Variants in DDX18 observed in about 807,000 individuals in gnomAD.
DDX18 encodes DEAD-box helicase 18.
Under a neutral mutation model 73.5 loss-of-function variants are expected in DDX18, and 23 were observed. The ratio of observed to expected loss-of-function variants is 0.31; its 90% CI spans 0.23 to 0.44. The LOEUF (loss-of-function observed/expected upper bound fraction) is 0.44, where lower values mean the gene tolerates loss of function less well. DDX18 is among the 20% of genes least tolerant of loss of function. The pLI, the probability that DDX18 is intolerant of heterozygous loss-of-function variation, is 1.00. For synonymous variants in DDX18, 268 were observed against 282.7 expected, an observed-to-expected ratio of 0.95 and a Z score of 0.52; for missense variants, 753 against 792.9, an observed-to-expected ratio of 0.95 and a Z score of 0.60.
intron 2 of DDX18, among the ~76,000 whole-genome samples, chr2:117,818,414 C>T (rs1277946224): frequency 6.6e-6 from 1 of 152,124 alleles, no homozygotes; most frequent in Non-Finnish European, 1.5e-5. Context: ...TGGCCCTTTG[C>T]GGAAAGTTTG....
chr2:117,819,916 C>CT (rs1679819052), intron 3 of DDX18, 124 bp downstream of exon 3: 6 of 887,388 alleles, frequency 6.8e-6, no homozygotes, highest in Middle Eastern at 2.5e-4. Flanking sequence ...CAACAAGAAA[C>CT]TTTTTTTATA....
rs1401607220 is a variant in DDX18 at position 117,822,216 on chromosome 2, G to A, written c.1021G>A (p.Val341Met). The A allele has an allele frequency of 1.2e-6, 2 of 1,613,826 alleles. No homozygotes were observed. Among genetic ancestry groups the A allele is most frequent in the Admixed American group, 3.3e-5 (2 of 60,012 alleles). ...TGATGAAGCTGATCGTATCTTGGAT[G>A]TGGGGTTTGAAGAGGAATTAAAGCA... ...VIDEADRILD[V>M]GFEEELKQII... Residue 341 changes from valine (V) to methionine (M), a missense_variant, in exon 7 of 14, where the codon GTG (valine) becomes ATG (methionine). Physicochemically the swap from Val to Met is conservative, Grantham distance 21. Coordinates refer to ENST00000263239, the MANE Select transcript of DDX18 (RefSeq NM_006773.4).
At chr2:117,820,030 A>G (rs912239776) in intron 3 of DDX18, among the ~76,000 whole-genome samples, 2 of 152,142 alleles carry the variant, frequency 1.3e-5, no homozygotes, top group Non-Finnish European at 2.9e-5. Context: ...AATATTTTAT[A>G]TGCACACTAG....
chr2:117,818,520 T>C (rs1250525643), intron 2 of DDX18, among the ~76,000 whole-genome samples: 1 of 152,260 alleles, frequency 6.6e-6, no homozygotes, highest in Non-Finnish European at 1.5e-5. Flanking sequence ...CATGCATTAC[T>C]GTCTTCATGA....
At chr2:117,825,964 C>T (rs772182967) in intron 10 of DDX18, 7 of 375,268 alleles carry the variant, frequency 1.9e-5, no homozygotes, top group Non-Finnish European at 2.8e-5. Context: ...GGATTAAAGC[C>T]GTTTTGATGA....
At chr2:117,815,977 G>A (rs949909911) in intron 1 of DDX18, among the ~76,000 whole-genome samples, 8 of 152,272 alleles carry the variant, frequency 5.3e-5, no homozygotes, top group African/African-American at 1.9e-4. Context: ...GCATGTTACT[G>A]TACTATACTC....
intron 3 of DDX18, among the ~76,000 whole-genome samples, chr2:117,820,254 G>A (rs1006664848): frequency 1.3e-5 from 2 of 152,174 alleles, no homozygotes; most frequent in Non-Finnish European, 2.9e-5. Flanking sequence ...AAAATGTTGA[G>A]GCCCAACCCT....
intron 1 of DDX18, chr2:117,815,196 C>T (rs1251410757): frequency 3.4e-6 from 1 of 296,468 alleles, no homozygotes. Flanking sequence ...CAAGTCGCAC[C>T]TCACCTCATC....
intron 10 of DDX18, chr2:117,825,823 T>C: frequency 2.0e-6 from 1 of 491,974 alleles, no homozygotes; most frequent in Non-Finnish European, 3.6e-6. Flanking sequence ...GTTATGAAAA[T>C]GAGATCCTTG....
At chr2:117,815,653 G>A (rs1679744372) in intron 1 of DDX18, 1 of 152,202 alleles carries the variant, frequency 6.6e-6, no homozygotes, top group South Asian at 2.1e-4. Context: ...TTAGGAATAT[G>A]TTTTGAAATA....
At chr2:117,816,808 G>A (rs1679766111) in intron 1 of DDX18, among the ~76,000 whole-genome samples, 3 of 152,174 alleles carry the variant, frequency 2.0e-5, no homozygotes, top group Admixed American at 6.5e-5. Flanking sequence ...GTTGCACTAC[G>A]ACATTGCAGT....
intron 4 of DDX18, 29 bp from the exon 5 acceptor site, chr2:117,821,621 T>C: frequency 1.2e-6 from 2 of 1,612,128 alleles, no homozygotes; most frequent in Non-Finnish European, 1.7e-6. Context: ...AGGCTAAATG[T>C]CTTTCTCCTT....
chr2:117,817,342 A>C, intron 1 of DDX18, 102 bp from the exon 2 acceptor site: 1 of 1,110,636 alleles, frequency 9.0e-7, no homozygotes, highest in Non-Finnish European at 1.3e-6. Context: ...AAATCTAAAT[A>C]ATTTGTGTCA....
Position 117,830,996 on chromosome 2 carries a change from C to A in DDX18, c.*272C>A. On this transcript the variant is annotated 3_prime_UTR_variant, in exon 14 of 14. Transcript: ENST00000263239. ...ATGATAATATTTTAATTTTAAATAT[C>A]CCTCCCTCATACAAGTGTATGTTAC... 2 of 378,672 alleles carry A rather than the reference C, an allele frequency of 5.3e-6. No individual in the cohort carries two copies. Among genetic ancestry groups the A allele is most frequent in the Non-Finnish European group, 9.4e-6 (2 of 212,260 alleles). 23.5% of individuals were successfully genotyped at this position (378,672 alleles called of 1,614,324 possible). A position where few individuals can be genotyped will look rare whatever the true frequency, so the allele number is the denominator to read the frequency against.
rs1246294752 is a variant in DDX18 at position 117,824,558 on chromosome 2, AT to A, written c.1067-10del. 1 of 1,382,750 alleles carries A rather than the reference AT, an allele frequency of 7.2e-7. No individual in the cohort carries two copies. Among genetic ancestry groups the A allele is most frequent in the Non-Finnish European group, 9.4e-7 (1 of 1,061,806 alleles). 85.7% of individuals were successfully genotyped at this position (1,382,750 alleles called of 1,614,324 possible). ...AAAGATTGGGGTTATTTTTATATGTATCTGTTTCAGCACGTAGACAGACTAT... is the reference window on the plus strand; with the variant it reads ...AAAGATTGGGGTTATTTTTATATGTACTGTTTCAGCACGTAGACAGACTAT... On this transcript the variant is annotated splice_polypyrimidine_tract_variant and intron_variant, in intron 7 of 13. Transcript: ENST00000263239.
At position 117,821,266 on chromosome 2, in the gene DDX18, A is replaced by T. The variant is rs999101050; in HGVS notation, c.620A>T (p.His207Leu). 6.2e-7 allele frequency: 1 copy of T among 1,610,868 alleles called. No homozygotes were observed. Among genetic ancestry groups the T allele is most frequent in the Admixed American group, 1.7e-5 (1 of 59,328 alleles). ...TTTACAAACATGACTGAAATTCAGC[A>T]TAAAAGTATCAGACCACTTCTGGAA... is the stretch of plus-strand genomic sequence containing the variant. Reference protein sequence around the residue: ...MGFTNMTEIQHKSIRPLLEGR... With the variant: ...MGFTNMTEIQLKSIRPLLEGR... Residue 207 changes from histidine to leucine, a missense_variant, in exon 4 of 14, where the codon CAT (histidine) becomes CTT (leucine). His to Leu is a moderately conservative substitution (Grantham distance 99). Transcript: ENST00000263239.
intron 3 of DDX18, among the ~76,000 whole-genome samples, chr2:117,820,097 G>C (rs1679823109): frequency 1.3e-5 from 2 of 152,300 alleles, no homozygotes; most frequent in East Asian, 3.9e-4. Context: ...TGTTGTAATA[G>C]GAAAATGATT....
rs1679915084 is a variant in DDX18 at position 117,825,721 on chromosome 2, T to C, written c.1521+122T>C. 7 of 1,183,238 alleles carry C rather than the reference T, an allele frequency of 5.9e-6. No homozygotes were observed. The South Asian group carries it at 9.9e-5, about 17-fold the overall frequency. The allele number at this position is 1,183,238 out of a possible 1,614,324, so 73.3% of individuals were successfully genotyped here. On this transcript the variant is annotated intron_variant, in intron 10 of 13. Coordinates refer to ENST00000263239, the MANE Select transcript of DDX18 (RefSeq NM_006773.4). ...GTAAAGATCCCTACTATACAGTGAC[T>C]GCAGTATTTCTCTGGTATTGAAAAG...
intron 4 of DDX18, 107 bp downstream of exon 4, chr2:117,821,403 T>G: frequency 7.3e-7 from 1 of 1,363,460 alleles, no homozygotes; most frequent in South Asian, 1.4e-5. Flanking sequence ...TGTTGGGTCA[T>G]GTATCCAGCA....
Sources: allele counts gnomAD v4.1 joint callset (sites outside exome capture counted in the v4.1 genomes callset), GRCh38; gene constraint gnomAD v4.1.1; transcripts MANE v1.5; gene names NCBI Gene and HGNC (gene_info 2026-07-23, HGNC 2026-07-21).